Variants in FREM1 observed in about 807,000 individuals in gnomAD.
FREM1 encodes the protein FRAS1 related extracellular matrix 1.
Under a neutral mutation model 210.1 loss-of-function variants are expected in FREM1, and 220 were observed. That is an observed-to-expected ratio of 1.05 (90% confidence interval 0.94 to 1.17). FREM1 has a LOEUF of 1.17. Among genes scored for constraint, FREM1 ranks in the 50% most tolerant of loss-of-function variants. The pLI is 0.00. For missense variants in FREM1, 3,454 were observed against 2,675.5 expected (o/e 1.29, Z -6.42); for synonymous variants, 1,189 against 980.2 (o/e 1.21, Z -3.98).
In FREM1 at chr9:14,772,574, T is replaced by C. The variant is rs577430056; in HGVS notation, c.4858-1768A>G. 3.9e-5 allele frequency among the ~76,000 whole-genome samples: 6 copies of C among 152,356 alleles called. No individual in the cohort carries two copies. In the East Asian group the frequency reaches 1.2e-3, roughly 29 times the overall value. The stretch of plus-strand genomic sequence containing the variant: ...TGGTTGTCAAGAATTTTTTTTCTTG[T>C]AGTTTATGAATTATTTACAATACAT... On this transcript the variant is annotated intron_variant, in intron 25 of 36. Transcript: ENST00000380880.
chr9:14,905,237 T>C (rs954569097), intron 1 of FREM1, among the ~76,000 whole-genome samples: 3 of 152,114 alleles, frequency 2.0e-5, no homozygotes, highest in African/African-American at 7.2e-5. Context: ...AGTGACTAAA[T>C]GCAAATACCA....
chr9:14,861,318 T>TAC (rs775358815), intron 3 of FREM1, among the ~76,000 whole-genome samples: 17,741 of 114,128 alleles, frequency 0.16, 2,929 homozygotes, highest in Non-Finnish European at 0.2. Flanking sequence ...TATACATATA[T>TAC]ACACATATAT....
intron 1 of FREM1, among the ~76,000 whole-genome samples, chr9:14,878,002 C>T (rs1345143558): frequency 6.6e-6 from 1 of 152,224 alleles, no homozygotes; most frequent in Non-Finnish European, 1.5e-5. Flanking sequence ...CAAGCCACCA[C>T]CAAGTCTCTG....
At chr9:14,800,359 G>C (rs1853302909) in intron 20 of FREM1, among the ~76,000 whole-genome samples, 1 of 152,126 alleles carries the variant, frequency 6.6e-6, no homozygotes, top group Non-Finnish European at 1.5e-5. Flanking sequence ...AGAATGGGAG[G>C]AAGCAGTAAT....
chr9:14,801,843 G>C lies in FREM1; in HGVS notation c.3503C>G (p.Ser1168Cys). 1.9e-6 allele frequency: 3 copies of C among 1,613,782 alleles called. No individual in the cohort carries two copies. The highest frequency in any genetic ancestry group is 2.5e-6 in the Non-Finnish European group (3 of 1,179,838). The change falls in exon 20 of 37, where the codon TCT becomes TGT. Residue 1168 changes from serine to cysteine, a missense_variant. By Grantham distance (112) the Ser-to-Cys change is moderately radical. Coordinates refer to ENST00000380880, the MANE Select transcript of FREM1 (RefSeq NM_001379081.2). ...VCEGQMKELD[S>C]SIISAVDLDI... is the part of the protein sequence containing the mutation. ...CAGGTCCACAGCGCTGATGATGGAA[G>C]AGTCCAGCTCTTTCATCTGACCCTC...
chr9:14,902,810 T>G (rs920953465), intron 1 of FREM1, among the ~76,000 whole-genome samples: 2 of 152,210 alleles, frequency 1.3e-5, no homozygotes, highest in Non-Finnish European at 2.9e-5. Context: ...TATTACAAAC[T>G]GATTTTTAAA....
chr9:14,896,922 C>G (rs1837845704), intron 1 of FREM1, among the ~76,000 whole-genome samples: 1 of 152,198 alleles, frequency 6.6e-6, no homozygotes, highest in African/African-American at 2.4e-5. Context: ...ATCATCTCAT[C>G]TGCATTCCTT....
Position 14,776,210 on chromosome 9 carries a change from A to G in FREM1, c.4443-7T>C, listed in dbSNP as rs1447178971. Reference sequence around the variant, plus strand: ...TCCATTGCTGATGATGAATCTGGTAAAGAGAGGCAAGGCAGCCTTCAGCAT... The same window carrying G: ...TCCATTGCTGATGATGAATCTGGTAGAGAGAGGCAAGGCAGCCTTCAGCAT... On this transcript the variant is annotated splice_region_variant and splice_polypyrimidine_tract_variant and intron_variant, in intron 24 of 36. Coordinates refer to ENST00000380880, the MANE Select transcript of FREM1 (RefSeq NM_001379081.2). 4 of 1,514,046 alleles carry G rather than the reference A, an allele frequency of 2.6e-6. No homozygotes were observed. Among genetic ancestry groups the G allele is most frequent in the Non-Finnish European group, 3.5e-6 (4 of 1,132,054 alleles). 93.8% of individuals were successfully genotyped at this position (1,514,046 alleles called of 1,614,324 possible).
At chr9:14,799,919 A>G (rs79999993) in intron 20 of FREM1, among the ~76,000 whole-genome samples, 4,388 of 150,244 alleles carry the variant, frequency 0.029, 86 homozygotes, top group Non-Finnish European at 0.037. Context: ...TTCGCACTAG[A>G]TATATCTCCT....
intron 12 of FREM1, among the ~76,000 whole-genome samples, chr9:14,823,772 G>C (rs1294841907): frequency 6.6e-6 from 1 of 152,172 alleles, no homozygotes; most frequent in Non-Finnish European, 1.5e-5. Flanking sequence ...CTAGAGTCCT[G>C]CTGATGGCAA....
chr9:14,780,856 G>C (rs1849549816), intron 24 of FREM1, among the ~76,000 whole-genome samples: 1 of 152,108 alleles, frequency 6.6e-6, no homozygotes, highest in Non-Finnish European at 1.5e-5. Flanking sequence ...ATTAAAACAG[G>C]CTTTCAGCTT....
chr9:14,762,766 T>TTTGC, intron 27 of FREM1, among the ~76,000 whole-genome samples: 1 of 151,548 alleles, frequency 6.6e-6, no homozygotes, highest in South Asian at 2.1e-4. Flanking sequence ...TTTTTTTTTT[T>TTTGC]TTTTTGCTTT....
At chr9:14,898,162 A>G (rs1838078715) in intron 1 of FREM1, among the ~76,000 whole-genome samples, 1 of 152,204 alleles carries the variant, frequency 6.6e-6, no homozygotes, top group Admixed American at 6.5e-5. Flanking sequence ...TCTTGGTTCC[A>G]TAATTTCTTT....
chr9:14,884,164 G>A (rs1205975576), intron 1 of FREM1, among the ~76,000 whole-genome samples: 1 of 152,170 alleles, frequency 6.6e-6, no homozygotes, highest in East Asian at 1.9e-4. Context: ...GGGAGGCGGA[G>A]GTTGCAGTGA....
chr9:14,824,173 G>T, intron 11 of FREM1, 58 bp from the exon 12 acceptor site: 1 of 1,063,478 alleles, frequency 9.4e-7, no homozygotes, highest in East Asian at 2.6e-5. Flanking sequence ...AAATGAAATC[G>T]AATAGCCCAC....
At chr9:14,755,079 G>C (rs1468295072) in intron 29 of FREM1, among the ~76,000 whole-genome samples, 1 of 152,196 alleles carries the variant, frequency 6.6e-6, no homozygotes, top group African/African-American at 2.4e-5. Context: ...GCATGGAAGA[G>C]AGGCATGGAA....
chr9:14,770,112 G>C (rs1847260263), intron 26 of FREM1, among the ~76,000 whole-genome samples: 1 of 152,202 alleles, frequency 6.6e-6, no homozygotes, highest in East Asian at 1.9e-4. Context: ...GAGAAGGAGA[G>C]TAGAAAGATA....
chr9:14,824,713 A>AT, intron 11 of FREM1, 83 bp downstream of exon 11: 2 of 461,172 alleles, frequency 4.3e-6, no homozygotes, highest in Non-Finnish European at 7.3e-6. Flanking sequence ...CCACAGTACT[A>AT]TATATATATA....
chr9:14,748,651 C>A lies in FREM1; in HGVS notation c.5558-12G>T. The stretch of plus-strand genomic sequence containing the variant: ...AGGATGGCATTGTCCTGGAGGCATG[C>A]AAGATGGCAGGCGGTCAGTTCATTT... On this transcript the variant is annotated splice_polypyrimidine_tract_variant and intron_variant, in intron 30 of 36. Transcript: ENST00000380880. 6.4e-7 allele frequency: 1 copy of A among 1,561,786 alleles called. No homozygotes were observed.
Sources: allele counts gnomAD v4.1 joint callset (sites outside exome capture counted in the v4.1 genomes callset), GRCh38; gene constraint gnomAD v4.1.1; transcripts MANE v1.5; gene names NCBI Gene and HGNC (gene_info 2026-07-23, HGNC 2026-07-21).